DPYD: variants seen among roughly 807,000 people sequenced by gnomAD.
DPYD encodes the protein dihydropyrimidine dehydrogenase [NADP(+)].
DPYD carries 109 observed loss-of-function variants against 116.2 expected under a neutral mutation model. The ratio of observed to expected loss-of-function variants is 0.94; its 90% confidence interval spans 0.80 to 1.10. DPYD has a LOEUF of 1.10. DPYD is among the 50% of genes least tolerant of loss of function. The pLI, the probability that DPYD is intolerant of heterozygous loss-of-function variation, is 0.00. For synonymous variants in DPYD, 440 were observed against 432.0 expected (o/e 1.02, Z -0.23); for missense variants, 1,302 against 1,254.5 (o/e 1.04, Z -0.57).
chr1:97,586,357 G>C (rs932198579), intron 10 of DPYD: 1 of 150,182 alleles, frequency 6.7e-6, no homozygotes, highest in African/African-American at 2.4e-5. Flanking sequence ...AAAATTAATA[G>C]AGTAATAACA....
intron 11 of DPYD, among the ~76,000 whole-genome samples, chr1:97,552,879 A>G (rs1651427064): frequency 1.3e-5 from 2 of 151,910 alleles, no homozygotes; most frequent in South Asian, 4.1e-4. Flanking sequence ...CCAGAAATAA[A>G]AAGAAAAAGC....
chr1:97,606,156 G>A (rs775025549), intron 8 of DPYD, among the ~76,000 whole-genome samples: 6 of 151,976 alleles, frequency 3.9e-5, no homozygotes, highest in Non-Finnish European at 7.4e-5. Flanking sequence ...CAATCAGTTG[G>A]AAATACAAAT....
At chr1:97,459,892 G>A (rs1028113552) in intron 13 of DPYD, among the ~76,000 whole-genome samples, 1 of 152,046 alleles carries the variant, frequency 6.6e-6, no homozygotes, top group African/African-American at 2.4e-5. Flanking sequence ...ATAGTACACT[G>A]TTTAGAAATA....
rs1236226648 is a variant in DPYD at position 97,305,388 on chromosome 1, A to G, written c.2180-10T>C. On this transcript the variant is annotated splice_polypyrimidine_tract_variant and intron_variant, in intron 17 of 22. Transcript: ENST00000370192. ...ACGCCATTGGCACCACCTATGCAAG[A>G]CACATCAACATTTTCATGCAGCTCT... 1 of 1,612,138 alleles carries G rather than the reference A, an allele frequency of 6.2e-7. No individual in the cohort carries two copies. The highest frequency in any genetic ancestry group is 8.5e-7 in the Non-Finnish European group (1 of 1,178,668).
chr1:97,266,497 C>T (rs1664234642), intron 18 of DPYD, among the ~76,000 whole-genome samples: 1 of 152,086 alleles, frequency 6.6e-6, no homozygotes, highest in Admixed American at 6.6e-5. Flanking sequence ...ATACTATAGA[C>T]TGGGTAATTT....
At chr1:97,218,245 A>T (rs1438067361) in intron 19 of DPYD, among the ~76,000 whole-genome samples, 1 of 152,228 alleles carries the variant, frequency 6.6e-6, no homozygotes, top group Non-Finnish European at 1.5e-5. Flanking sequence ...CTATGAATCC[A>T]TGTAACAAAA....
At chr1:97,337,211 G>T (rs986549340) in intron 16 of DPYD, among the ~76,000 whole-genome samples, 1 of 152,160 alleles carries the variant, frequency 6.6e-6, no homozygotes, top group Non-Finnish European at 1.5e-5. Context: ...TGTAAAAGCT[G>T]AACAGAGAGT....
chr1:97,730,375 T>A (rs530955233), intron 4 of DPYD, among the ~76,000 whole-genome samples: 9 of 152,062 alleles, frequency 5.9e-5, no homozygotes, highest in East Asian at 1.9e-4. Flanking sequence ...GCATGCACCA[T>A]CACGCCCGGC....
chr1:97,373,349 A>G (rs1051574059), intron 16 of DPYD, among the ~76,000 whole-genome samples: 6 of 152,234 alleles, frequency 3.9e-5, no homozygotes, highest in African/African-American at 1.4e-4. Flanking sequence ...ACATAATGTG[A>G]TATTTTCCTC....
chr1:97,864,079 G>A lies in DPYD; in HGVS notation c.150+19185C>T, dbSNP rs1558016667. The stretch of plus-strand genomic sequence containing the variant: ...AGCAATATTAATACAATATAAGTAA[G>A]TTTTAAAACTGTATAATGTGATTAT... On this transcript the variant is annotated intron_variant, in intron 2 of 22. Coordinates refer to ENST00000370192, the MANE Select transcript of DPYD (RefSeq NM_000110.4). 2.0e-5 allele frequency among the ~76,000 whole-genome samples: 3 copies of A among 152,106 alleles called. No homozygotes were observed. In the South Asian group the frequency reaches 6.2e-4, roughly 32 times the overall value.
chr1:97,480,244 GA>G (rs1236040379), intron 13 of DPYD, among the ~76,000 whole-genome samples: 3 of 151,578 alleles, frequency 2.0e-5, no homozygotes, highest in East Asian at 1.9e-4. Context: ...ATCAAACTGA[GA>G]AAAAAAAGAA....
intron 16 of DPYD, among the ~76,000 whole-genome samples, chr1:97,353,532 G>T (rs1670255128): frequency 6.6e-6 from 1 of 151,948 alleles, no homozygotes; most frequent in Non-Finnish European, 1.5e-5. Flanking sequence ...CTTTAAGGCA[G>T]GGGTCATGTC....
At chr1:97,853,971 G>A (rs931029780) in intron 2 of DPYD, among the ~76,000 whole-genome samples, 2 of 152,140 alleles carry the variant, frequency 1.3e-5, no homozygotes, top group South Asian at 4.1e-4. Flanking sequence ...TTTCTTATAG[G>A]AACAGAATTA....
intron 1 of DPYD, 48 bp from the exon 2 acceptor site, chr1:97,883,422 T>C (rs191127023): frequency 1.0e-5 from 13 of 1,302,628 alleles, no homozygotes; most frequent in South Asian, 1.2e-5. Flanking sequence ...TATGTTGGCA[T>C]TTGTTTAAAC....
rs185932252 is a variant in DPYD, at chr1:97,591,974, A to C, written c.1128+1244T>G. Among the ~76,000 whole-genome samples the C allele has an allele frequency of 2.0e-5, 3 of 152,246 alleles. 1 individual carries two copies. The highest frequency in any genetic ancestry group is 4.4e-5 in the Non-Finnish European group (3 of 68,006). On this transcript the variant is annotated intron_variant, in intron 10 of 22. Transcript: ENST00000370192. ...TCTAAAAAGGGTAGATTGGATGGAG[A>C]AAAGTCCAGATAATAAACGTGGAAT...
At chr1:97,323,702 G>GTA (rs1314289436) in intron 16 of DPYD, among the ~76,000 whole-genome samples, 3 of 137,274 alleles carry the variant, frequency 2.2e-5, no homozygotes, top group Admixed American at 7.4e-5. Flanking sequence ...ATATATACAC[G>GTA]TATATATATA....
chr1:97,461,489 T>A (rs957484032), intron 13 of DPYD, among the ~76,000 whole-genome samples: 1 of 152,100 alleles, frequency 6.6e-6, no homozygotes, highest in Non-Finnish European at 1.5e-5. Flanking sequence ...TTAGGGAACC[T>A]TCCTCACCAA....
chr1:97,081,449 C>A (rs1458015220), intron 22 of DPYD, among the ~76,000 whole-genome samples: 1 of 151,954 alleles, frequency 6.6e-6, no homozygotes, highest in Non-Finnish European at 1.5e-5. Context: ...TTAACTTTCA[C>A]AATAAATCAG....
intron 2 of DPYD, among the ~76,000 whole-genome samples, chr1:97,837,000 C>T (rs1404575854): frequency 6.6e-6 from 1 of 151,944 alleles, no homozygotes; most frequent in East Asian, 1.9e-4. Context: ...ATTAATAGAA[C>T]CATTTAAGTT....
Sources: gnomAD v4.1 joint callset for allele counts (sites outside exome capture counted in the v4.1 genomes callset) on GRCh38, gnomAD v4.1.1 for gene constraint, MANE v1.5 for transcripts, NCBI Gene and HGNC (gene_info 2026-07-23, HGNC 2026-07-21) for gene names.